PYHIN1: variants seen among roughly 807,000 people sequenced by gnomAD.
PYHIN1 encodes the protein pyrin and HIN domain family member 1.
PYHIN1 carries 32 observed loss-of-function variants against 43.7 expected under a neutral mutation model. The ratio of observed to expected loss-of-function variants is 0.73; its 90% CI spans 0.55 to 0.98. The LOEUF (loss-of-function observed/expected upper bound fraction) is 0.98, where lower values mean the gene tolerates loss of function less well. Among genes scored for constraint, PYHIN1 ranks in the 50% least tolerant of loss-of-function variants. The pLI, the probability that PYHIN1 is intolerant of heterozygous loss-of-function variation, is 0.00. For missense variants in PYHIN1, 588 were observed against 589.5 expected (o/e 1.00, Z 0.03); for synonymous variants, 205 against 203.1 (o/e 1.01, Z -0.08).
chr1:158,948,592 G>T (rs1388120667), intron 7 of PYHIN1, among the ~76,000 whole-genome samples: 1 of 152,158 alleles, frequency 6.6e-6, no homozygotes, highest in Non-Finnish European at 1.5e-5. Context: ...TGTAAGAGAA[G>T]TTTATTAGAC....
intron 7 of PYHIN1, among the ~76,000 whole-genome samples, chr1:158,951,591 T>G (rs186841561): frequency 6.6e-6 from 1 of 152,358 alleles, no homozygotes; most frequent in East Asian, 1.9e-4. Context: ...TTTCCATGTT[T>G]ACCCAAACCA....
chr1:158,950,816 G>A (rs1433150360), intron 7 of PYHIN1, among the ~76,000 whole-genome samples: 1 of 152,184 alleles, frequency 6.6e-6, no homozygotes, highest in African/African-American at 2.4e-5. Flanking sequence ...TGGGATGCCT[G>A]TGGAATGTTG....
At chr1:158,981,443 C>A (rs1651479567), downstream of PYHIN1, among the ~76,000 whole-genome samples, 1 of 152,030 alleles carries the variant, frequency 6.6e-6, no homozygotes, top group African/African-American at 2.4e-5. Context: ...TGCACTCCAG[C>A]CTGGGGGACA....
At chr1:158,969,747 A>C (rs1412491990) in intron 7 of PYHIN1, among the ~76,000 whole-genome samples, 1 of 152,030 alleles carries the variant, frequency 6.6e-6, no homozygotes, top group Non-Finnish European at 1.5e-5. Context: ...CCATTTTCTG[A>C]CGCATAATGG....
intron 7 of PYHIN1, among the ~76,000 whole-genome samples, chr1:158,956,256 G>C (rs1408374211): frequency 1.3e-5 from 2 of 151,822 alleles, no homozygotes; most frequent in African/African-American, 2.4e-5. Context: ...CATTTTATGA[G>C]GTCAGCATCA....
chr1:158,973,541 A>G (rs1651065363), intron 7 of PYHIN1, 106 bp from the exon 8 acceptor site: 1 of 1,145,784 alleles, frequency 8.7e-7, no homozygotes. Flanking sequence ...ACACACATAT[A>G]CACACATGTA....
In PYHIN1 at chr1:158,943,862, G is replaced by A. The variant is rs1649067259; in HGVS notation, c.1075G>A (p.Gly359Arg). 6.2e-7 allele frequency: 1 copy of A among 1,610,862 alleles called. No homozygotes were observed. Among genetic ancestry groups the A allele is most frequent in the Admixed American group, 1.7e-5 (1 of 59,954 alleles). ...KTGSMAVVGK[G>R]ECHNIPCEKG... ...AGGAAGTATGGCTGTAGTAGGAAAA[G>A]GAGAATGCCACAATATCCCCTGTGA... The change falls in exon 6 of 9, where the codon GGA (glycine) becomes AGA (arginine). Residue 359 changes from glycine to arginine, a missense_variant. By Grantham distance (125) the Gly-to-Arg change is moderately radical. Coordinates refer to ENST00000368140, the MANE Select transcript of PYHIN1 (RefSeq NM_152501.5).
chr1:158,965,034 C>T (rs1650552510), intron 7 of PYHIN1, among the ~76,000 whole-genome samples: 1 of 148,948 alleles, frequency 6.7e-6, no homozygotes, highest in South Asian at 2.1e-4. Flanking sequence ...AATAAAAGGA[C>T]AAAGAAAAAT....
intron 7 of PYHIN1, among the ~76,000 whole-genome samples, chr1:158,964,570 T>C (rs891422459): frequency 1.3e-5 from 2 of 152,174 alleles, no homozygotes; most frequent in Non-Finnish European, 2.9e-5. Context: ...CAGAAGAGCT[T>C]GGGACCTATA....
At chr1:158,937,733 T>C (rs1203196765) in intron 2 of PYHIN1, among the ~76,000 whole-genome samples, 1 of 151,906 alleles carries the variant, frequency 6.6e-6, no homozygotes, top group Non-Finnish European at 1.5e-5. Flanking sequence ...GATCACGAGG[T>C]CAGGAGATCG....
chr1:158,937,435 G>A (rs1177687509), intron 2 of PYHIN1, among the ~76,000 whole-genome samples: 1 of 152,148 alleles, frequency 6.6e-6, no homozygotes. Context: ...GAGACTTCTA[G>A]TACATTCGAA....
At chr1:158,953,800 T>C (rs1649742400) in intron 7 of PYHIN1, among the ~76,000 whole-genome samples, 2 of 152,036 alleles carry the variant, frequency 1.3e-5, no homozygotes, top group African/African-American at 4.8e-5. Context: ...ATCAAATTAC[T>C]CTGAGCTATG....
the PYHIN1 span, among the ~76,000 whole-genome samples, chr1:158,984,488 TG>T: frequency 2.0e-5 from 3 of 152,302 alleles, no homozygotes; most frequent in East Asian, 5.8e-4. Context: ...TTTGTATTTT[TG>T]TTGCACTGTG....
Position 158,945,055 on chromosome 1 carries a change from G to A in PYHIN1, c.1359+13G>A. ...TTCCTTCACCAAGGTACAATATCCT[G>A]GGTCCCATGACTCTTATCTCCCAAA... On this transcript the variant is annotated intron_variant, in intron 7 of 8. Coordinates refer to ENST00000368140, the MANE Select transcript of PYHIN1 (RefSeq NM_152501.5). 1 of 1,604,276 alleles carries A rather than the reference G, an allele frequency of 6.2e-7. No homozygotes were observed.
intron 7 of PYHIN1, among the ~76,000 whole-genome samples, chr1:158,967,681 C>G (rs1455286999): frequency 1.3e-5 from 2 of 151,780 alleles, no homozygotes; most frequent in African/African-American, 4.8e-5. Flanking sequence ...TCACTTGACC[C>G]AACTTCAAAC....
At chr1:158,969,343 C>T (rs1004362707) in intron 7 of PYHIN1, among the ~76,000 whole-genome samples, 3 of 151,868 alleles carry the variant, frequency 2.0e-5, no homozygotes, top group Non-Finnish European at 4.4e-5. Context: ...ATGCCTATAT[C>T]TTCAGTAAAT....
At chr1:158,932,156 ATG>A (rs2101632981) in intron 1 of PYHIN1, among the ~76,000 whole-genome samples, 1 of 152,326 alleles carries the variant, frequency 6.6e-6, no homozygotes, top group African/African-American at 2.4e-5. Flanking sequence ...CACGCTGTAT[ATG>A]CATAACATGG....
At chr1:158,957,575 C>A (rs1174309038) in intron 7 of PYHIN1, among the ~76,000 whole-genome samples, 1 of 149,564 alleles carries the variant, frequency 6.7e-6, no homozygotes, top group Admixed American at 6.7e-5. Context: ...AAACTGGATC[C>A]CTTCCTTACA....
chr1:158,932,618 A>G (rs2101633954), intron 1 of PYHIN1, among the ~76,000 whole-genome samples: 1 of 152,352 alleles, frequency 6.6e-6, no homozygotes, highest in Non-Finnish European at 1.5e-5. Flanking sequence ...TTTGTAAATA[A>G]TATTATTCTA....
Sources: allele counts gnomAD v4.1 joint callset (sites outside exome capture counted in the v4.1 genomes callset), GRCh38; gene constraint gnomAD v4.1.1; transcripts MANE v1.5; gene names NCBI Gene and HGNC (gene_info 2026-07-23, HGNC 2026-07-21).